CASZ1: variants seen among roughly 807,000 people sequenced by gnomAD.
CASZ1 encodes the protein castor zinc finger 1.
Under a neutral mutation model 135.2 loss-of-function variants are expected in CASZ1, and 28 were observed. That is an observed-to-expected ratio of 0.21 (90% CI 0.15 to 0.28). CASZ1 has a LOEUF of 0.28. Among genes scored for constraint, CASZ1 ranks in the 10% least tolerant of loss-of-function variants. The pLI is 1.00. For synonymous variants in CASZ1, 1,068 were observed against 1,073.4 expected (o/e 0.99, Z 0.10); for missense variants, 2,161 against 2,453.3 (o/e 0.88, Z 2.52).
At position 10,682,922 on chromosome 1, in the gene CASZ1, C is replaced by T. The variant is rs114015253; in HGVS notation, c.16+10952G>A. Among the ~76,000 whole-genome samples, 1,100 of 152,358 alleles carry T rather than the reference C, an allele frequency of 7.2e-3. 16 individuals carry two copies. Among genetic ancestry groups the T allele is most frequent in the African/African-American group, 0.025 (1,032 of 41,572 alleles). On this transcript the variant is annotated intron_variant, in intron 4 of 20. Coordinates refer to ENST00000377022, the MANE Select transcript of CASZ1 (RefSeq NM_001079843.3). Reference sequence around the variant, plus strand: ...TGGGCCGGGGCCTGTCATCCCCCTGCTTCTTGTGCCTGGCTCTCCAGGCCT... The same window carrying T: ...TGGGCCGGGGCCTGTCATCCCCCTGTTTCTTGTGCCTGGCTCTCCAGGCCT...
At chr1:10,714,552 C>A (rs1022342243) in intron 2 of CASZ1, among the ~76,000 whole-genome samples, 2 of 152,184 alleles carry the variant, frequency 1.3e-5, no homozygotes, top group Non-Finnish European at 2.9e-5. Flanking sequence ...GGGCACCCCC[C>A]GCCACCACCA....
At position 10,792,920 on chromosome 1, in the gene CASZ1, C is replaced by A. The variant is rs61775159; in HGVS notation, c.-234+3644G>T. On this transcript the variant is annotated intron_variant, in intron 1 of 20. Transcript: ENST00000377022. ...GACTAAAAACTCCTTTTCCCCTCTT[C>A]CCAGAGGCTAATTTTCCTAAAACAG... Among the ~76,000 whole-genome samples, 1,123 of 152,208 alleles carry A rather than the reference C, an allele frequency of 7.4e-3. 19 individuals are homozygous for A. The highest frequency in any genetic ancestry group is 0.026 in the African/African-American group (1,071 of 41,534).
intron 4 of CASZ1, among the ~76,000 whole-genome samples, chr1:10,690,619 G>A (rs958992885): frequency 2.6e-5 from 4 of 152,046 alleles, no homozygotes; most frequent in Admixed American, 1.3e-4. Context: ...CCATTGACCC[G>A]CCTCGACGAC....
intron 2 of CASZ1, among the ~76,000 whole-genome samples, chr1:10,728,593 T>A (rs929543104): frequency 5.3e-5 from 8 of 152,118 alleles, no homozygotes; most frequent in African/African-American, 1.7e-4. Context: ...CTTCTTTTTT[T>A]AATTATTATT....
intron 2 of CASZ1, among the ~76,000 whole-genome samples, chr1:10,743,633 G>C (rs1303821716): frequency 6.9e-6 from 1 of 144,554 alleles, no homozygotes; most frequent in African/African-American, 2.6e-5. Context: ...AATAAGGAGG[G>C]AGGGAGTAGG....
At position 10,727,401 on chromosome 1, in the gene CASZ1, A is replaced by G. The variant is rs1224361610; in HGVS notation, c.-76-21857T>C. ...GGCCTTTTAAGTCCAGAAAAGAAAA[A>G]AAAAAACAACCCAGCCTCCCAGAAG... is the stretch of plus-strand genomic sequence containing the variant. On this transcript the variant is annotated intron_variant, in intron 2 of 20. Transcript: ENST00000377022. The surrounding 1 kb of genome is among the most constrained non-coding windows in gnomAD (Gnocchi z 5.3). Among the ~76,000 whole-genome samples, 1 of 151,690 alleles carries G rather than the reference A, an allele frequency of 6.6e-6. No homozygotes were observed. Among genetic ancestry groups the G allele is most frequent in the Non-Finnish European group, 1.5e-5 (1 of 67,878 alleles).
rs188706781 is a variant in CASZ1 at position 10,646,080 on chromosome 1, C to T, written c.3696+48G>A. 1.6e-4 allele frequency: 251 copies of T among 1,586,374 alleles called. No homozygotes were observed. The highest frequency in any genetic ancestry group is 2.1e-4 in the Non-Finnish European group (240 of 1,156,944). ...TCCTGTGCCCTGAGCTAGCCCTGCA[C>T]CTCCCTGCCCCCTACTCTGCCCCTG... On this transcript the variant is annotated intron_variant, in intron 17 of 20. Coordinates refer to ENST00000377022, the MANE Select transcript of CASZ1 (RefSeq NM_001079843.3). This position sits in a 1 kb window ranked among gnomAD's most constrained non-coding sequence, Gnocchi z 6.4.
rs1640900861 is a variant in CASZ1, at chr1:10,788,651, C to T, written c.-234+7913G>A. On this transcript the variant is annotated intron_variant, in intron 1 of 20. Coordinates refer to ENST00000377022, the MANE Select transcript of CASZ1 (RefSeq NM_001079843.3). The surrounding 1 kb of genome is among the most constrained non-coding windows in gnomAD (Gnocchi z 4.1). ...TGGCCAAGGATGGAACAGGCGGAGA[C>T]CACAGGCAGGACTCCAGTCGTCTTG... Among the ~76,000 whole-genome samples, 1 of 152,200 alleles carries T rather than the reference C, an allele frequency of 6.6e-6. No homozygotes were observed. Among genetic ancestry groups the T allele is most frequent in the African/African-American group, 2.4e-5 (1 of 41,450 alleles).
intron 4 of CASZ1, among the ~76,000 whole-genome samples, chr1:10,689,036 G>C (rs1029869310): frequency 6.6e-6 from 1 of 152,230 alleles, no homozygotes; most frequent in Non-Finnish European, 1.5e-5. Context: ...AGGGTGGTCA[G>C]GGTGTAAAAA....
At chr1:10,670,897 A>T (rs528163119) in intron 4 of CASZ1, among the ~76,000 whole-genome samples, 2 of 151,142 alleles carry the variant, frequency 1.3e-5, no homozygotes, top group East Asian at 3.9e-4. Context: ...TCCCTCTTGG[A>T]CCCAATTCTA....
In CASZ1 at chr1:10,794,231, G is replaced by A. The variant is rs1041570388; in HGVS notation, c.-234+2333C>T. 6.6e-6 allele frequency among the ~76,000 whole-genome samples: 1 copy of A among 151,998 alleles called. No homozygotes were observed. The highest frequency in any genetic ancestry group is 1.5e-5 in the Non-Finnish European group (1 of 67,960). ...CGCGCGCGTCGTGGGTTGGGCGGGG[G>A]GACACCAAGATTATCCGGCGATCTG... On this transcript the variant is annotated intron_variant, in intron 1 of 20. Coordinates refer to ENST00000377022, the MANE Select transcript of CASZ1 (RefSeq NM_001079843.3). This position sits in a 1 kb window ranked among gnomAD's most constrained non-coding sequence, Gnocchi z 5.6.
chr1:10,771,496 TCA>T (rs923584429), intron 1 of CASZ1, among the ~76,000 whole-genome samples: 6 of 148,894 alleles, frequency 4.0e-5, no homozygotes, highest in Non-Finnish European at 7.5e-5. Context: ...AGAAATTACA[TCA>T]CAAAAAATCA....
At chr1:10,705,012 C>T (rs970105978) in intron 3 of CASZ1, among the ~76,000 whole-genome samples, 1 of 152,236 alleles carries the variant, frequency 6.6e-6, no homozygotes, top group Non-Finnish European at 1.5e-5. Flanking sequence ...ATGGAGGAAG[C>T]CACTAGGGGT....
rs188336022 is a variant in CASZ1 at position 10,678,539 on chromosome 1, A to C, written c.17-12968T>G. On this transcript the variant is annotated intron_variant, in intron 4 of 20. Transcript: ENST00000377022. Reference sequence around the variant, plus strand: ...GGGCTGAAGATCCCAGTGTCCTCTGAGCCCACCCAGCTCCCCCACCCGTTC... The same window carrying C: ...GGGCTGAAGATCCCAGTGTCCTCTGCGCCCACCCAGCTCCCCCACCCGTTC... 5.3e-5 allele frequency among the ~76,000 whole-genome samples: 8 copies of C among 152,104 alleles called. No individual in the cohort carries two copies. In the East Asian group the frequency reaches 1.5e-3, roughly 29 times the overall value.
In CASZ1 at chr1:10,784,260, A is replaced by G. The variant is rs548712267; in HGVS notation, c.-234+12304T>C. Among the ~76,000 whole-genome samples, 527 of 152,144 alleles carry G rather than the reference A, an allele frequency of 3.5e-3. 5 individuals carry two copies. The highest frequency in any genetic ancestry group is 5.8e-3 in the South Asian group (28 of 4,800). The stretch of plus-strand genomic sequence containing the variant: ...ACATCTGGGTGTGCCCCCGCCCTCC[A>G]TCTCTATCACTGTCCCATGGGGGGG... On this transcript the variant is annotated intron_variant, in intron 1 of 20. Transcript: ENST00000377022.
chr1:10,652,958 G>A (rs1450092509), intron 11 of CASZ1: 4 of 258,492 alleles, frequency 1.5e-5, no homozygotes, highest in Admixed American at 5.2e-5. Flanking sequence ...CCCCACTACC[G>A]CTGGGCTGGA....
Position 10,646,436 on chromosome 1 carries a change from C to A in CASZ1, c.3498-110G>T. On this transcript the variant is annotated intron_variant, in intron 16 of 20. Coordinates refer to ENST00000377022, the MANE Select transcript of CASZ1 (RefSeq NM_001079843.3). This position sits in a 1 kb window ranked among gnomAD's most constrained non-coding sequence, Gnocchi z 6.4. ...ACTCCCCCACGACCAGCGGTACCAC[C>A]AAGAGGGATGGCCTGGGCTGCTGTC... 1.0e-6 allele frequency: 1 copy of A among 1,002,048 alleles called. No individual in the cohort carries two copies. Among genetic ancestry groups the A allele is most frequent in the Non-Finnish European group, 1.5e-6 (1 of 659,910 alleles). 62.1% of individuals were successfully genotyped at this position (1,002,048 alleles called of 1,614,324 possible).
rs1377815932 is a variant in CASZ1 at position 10,697,337 on chromosome 1, C to T, written c.-23-3425G>A. On this transcript the variant is annotated intron_variant, in intron 3 of 20. Coordinates refer to ENST00000377022, the MANE Select transcript of CASZ1 (RefSeq NM_001079843.3). This position sits in a 1 kb window ranked among gnomAD's most constrained non-coding sequence, Gnocchi z 4.7. The stretch of plus-strand genomic sequence containing the variant: ...ATGGCCCATCTTTGCCTTGAGGACA[C>T]CTGAGACCCCAAAGCCAGGCCACAG... 6.6e-6 allele frequency among the ~76,000 whole-genome samples: 1 copy of T among 151,920 alleles called. No individual in the cohort carries two copies. The highest frequency in any genetic ancestry group is 1.5e-5 in the Non-Finnish European group (1 of 67,976).
chr1:10,657,061 C>T lies in CASZ1; in HGVS notation c.1410-325G>A, dbSNP rs1360749240. ...CACCTGTCTTTTCTGCAGGGGCTAC[C>T]TGCCCCACTCCCAGCCCGCCCAGTT... is the stretch of plus-strand genomic sequence containing the variant. On this transcript the variant is annotated intron_variant, in intron 7 of 20. Transcript: ENST00000377022. The surrounding 1 kb of genome is among the most constrained non-coding windows in gnomAD (Gnocchi z 5.7). 1.3e-5 allele frequency among the ~76,000 whole-genome samples: 2 copies of T among 152,216 alleles called. No individual in the cohort carries two copies. The highest frequency in any genetic ancestry group is 2.9e-5 in the Non-Finnish European group (2 of 68,032).
Sources: allele counts gnomAD v4.1 joint callset (sites outside exome capture counted in the v4.1 genomes callset), GRCh38; gene constraint gnomAD v4.1.1; non-coding constraint Gnocchi (gnomAD v3.1); transcripts MANE v1.5; gene names NCBI Gene and HGNC (gene_info 2026-07-23, HGNC 2026-07-21).